The following MAP3K13 variants were observed in gnomAD, a reference collection of about 807,000 sequenced individuals.
The protein encoded by MAP3K13 is mitogen-activated protein kinase kinase kinase 13, also known as leucine zipper-bearing kinase.
A neutral mutation model predicts 104.0 loss-of-function variants in MAP3K13; 52 were observed. The observed-to-expected ratio is 0.50, with a 90% CI of 0.40 to 0.63. The LOEUF (loss-of-function observed/expected upper bound fraction) is 0.63. Among genes scored for constraint, MAP3K13 ranks in the 20% least tolerant of loss-of-function variants. The pLI is 0.00. For missense variants in MAP3K13, 914 were observed against 1,218.5 expected, an observed-to-expected ratio of 0.75 and a Z score of 3.72; for synonymous variants, 394 against 442.2, an observed-to-expected ratio of 0.89 and a Z score of 1.37.
chr3:185,334,270 A>G (rs995291924), intron 2 of MAP3K13, among the ~76,000 whole-genome samples: 2 of 152,222 alleles, frequency 1.3e-5, no homozygotes, highest in Middle Eastern at 3.2e-3. Flanking sequence ...ATGCATTCCC[A>G]ATCAAAATTT....
chr3:185,450,711 G>T lies in MAP3K13; in HGVS notation c.1170-576G>T. 6.6e-6 allele frequency among the ~76,000 whole-genome samples: 1 copy of T among 151,606 alleles called. No homozygotes were observed. The highest frequency in any genetic ancestry group is 1.9e-4 in the East Asian group (1 of 5,162). The stretch of plus-strand genomic sequence containing the variant: ...ACACTTTGGGAGGCCGAGGTAGGAG[G>T]ATCACTTGAACCCATGAGTCTGAGA... On this transcript the variant is annotated intron_variant, in intron 6 of 13. Coordinates refer to ENST00000265026, the MANE Select transcript of MAP3K13 (RefSeq NM_004721.5). This position sits in a 1 kb window ranked among gnomAD's most constrained non-coding sequence, Gnocchi z 4.2.
Position 185,308,625 on chromosome 3 carries a change from T to C in MAP3K13, c.-86+22982T>C, listed in dbSNP as rs188015963. On this transcript the variant is annotated intron_variant, in intron 2 of 14. Coordinates refer to the MAP3K13 transcript ENST00000424227. ...TTAGCTGCTGAACTCTCCGCTGTTCTCAGTGGACCCCAAGCATCCAAAGTA... is the reference window on the plus strand; with the variant it reads ...TTAGCTGCTGAACTCTCCGCTGTTCCCAGTGGACCCCAAGCATCCAAAGTA... Among the ~76,000 whole-genome samples the C allele has an allele frequency of 2.6e-4, 39 of 152,328 alleles. No homozygotes were observed. In the East Asian group the frequency reaches 6.0e-3, roughly 23 times the overall value.
At chr3:185,425,229 C>T (rs1237705757) in intron 1 of MAP3K13, among the ~76,000 whole-genome samples, 2 of 152,202 alleles carry the variant, frequency 1.3e-5, no homozygotes, top group Non-Finnish European at 2.9e-5. Context: ...AGCTCCCTAG[C>T]TCAGTGCATG....
At chr3:185,444,982 C>A (rs1463643846) in intron 4 of MAP3K13, among the ~76,000 whole-genome samples, 2 of 151,324 alleles carry the variant, frequency 1.3e-5, no homozygotes, top group African/African-American at 4.9e-5. Context: ...AACCCTGTCT[C>A]AAAAAATAAT....
Position 185,418,809 on chromosome 3 carries a change from C to T in MAP3K13, c.-85-9688C>T, listed in dbSNP as rs950315065. 6.3e-6 allele frequency: 10 copies of T among 1,575,020 alleles called. No homozygotes were observed. The African/African-American group carries it at 1.2e-4, about 19-fold the overall frequency. ...AGAGAGGAGACAGCCACGCTCCTCT[C>T]AGCCCGGCTGCTGCCACAGGAAAAG... is the stretch of plus-strand genomic sequence containing the variant. On this transcript the variant is annotated intron_variant, in intron 1 of 13. Transcript: ENST00000265026. The surrounding 1 kb of genome is among the most constrained non-coding windows in gnomAD (Gnocchi z 4.5).
rs1715865503 is a variant in MAP3K13 at position 185,451,289 on chromosome 3, A to G, written c.1172A>G (p.Gln391Arg). The G allele has an allele frequency of 6.2e-7, 1 of 1,605,902 alleles. No homozygotes were observed. The highest frequency in any genetic ancestry group is 8.5e-7 in the Non-Finnish European group (1 of 1,176,018). Residue 391 changes from glutamine to arginine, a missense_variant and splice_region_variant, in exon 7 of 14, where the codon CAG (glutamine) becomes CGG (arginine). Gln to Arg is a conservative substitution (Grantham distance 43, BLOSUM62 1). Around this residue, in one of 3 missense-constraint regions of MAP3K13, gnomAD observed 583 missense variants for 737.4 expected, o/e 0.79. Coordinates refer to ENST00000265026, the MANE Select transcript of MAP3K13 (RefSeq NM_004721.5). ...GFKILMKQTW[Q>R]SKPRNRPSFR... ...CAAACTGTCTTTTTCACTTTTAGGC[A>G]GAGTAAACCTCGAAACCGACCTTCT...
At chr3:185,444,456 G>A (rs1043911036) in intron 4 of MAP3K13, among the ~76,000 whole-genome samples, 9 of 152,172 alleles carry the variant, frequency 5.9e-5, no homozygotes, top group Admixed American at 3.3e-4. Flanking sequence ...TTCTGTAGAC[G>A]TGGATTACAG....
intron 1 of MAP3K13, among the ~76,000 whole-genome samples, chr3:185,408,964 A>G (rs1713275790): frequency 6.6e-6 from 1 of 152,224 alleles, no homozygotes; most frequent in Non-Finnish European, 1.5e-5. Context: ...CTACCAATGA[A>G]ATGTATAAAT....
chr3:185,383,312 A>T (rs1007699559), intron 1 of MAP3K13, among the ~76,000 whole-genome samples: 4 of 152,092 alleles, frequency 2.6e-5, no homozygotes, highest in African/African-American at 9.7e-5. Flanking sequence ...GAGTAATGCC[A>T]CAATAAACAT....
chr3:185,484,570 G>A lies in MAP3K13; in HGVS notation c.*2114G>A, dbSNP rs975285612. On this transcript the variant is annotated 3_prime_UTR_variant, in exon 14 of 14. Transcript: ENST00000265026. ...AAGGAAAGGCAGGAGGGAATTTAGA[G>A]TTCCTTTTGCTTGTTTGATCCATTT... 1 of 152,194 alleles carries A rather than the reference G, an allele frequency of 6.6e-6. No individual in the cohort carries two copies. The highest frequency in any genetic ancestry group is 2.4e-5 in the African/African-American group (1 of 41,448). 9.4% of individuals were successfully genotyped at this position (152,194 alleles called of 1,614,324 possible).
At chr3:185,395,357 C>CTTTTTTTTTTTTTTTTTTTTTTT (rs770336517) in intron 1 of MAP3K13, among the ~76,000 whole-genome samples, 1 of 69,978 alleles carries the variant, frequency 1.4e-5, no homozygotes, top group African/African-American at 6.9e-5. Context: ...AATATTATTT[C>CTTTTTTTTTTTTTTTTTTTTTTT]TTTTTTTTTT....
At chr3:185,400,901 G>GTT (rs1326586136) in intron 1 of MAP3K13, among the ~76,000 whole-genome samples, 5 of 58,140 alleles carry the variant, frequency 8.6e-5, no homozygotes, top group African/African-American at 3.5e-4. Flanking sequence ...CTGGGTGTTT[G>GTT]TTTGTTTTTT....
chr3:185,290,376 A>G (rs900664797), intron 2 of MAP3K13, among the ~76,000 whole-genome samples: 1 of 152,206 alleles, frequency 6.6e-6, no homozygotes, highest in Non-Finnish European at 1.5e-5. Flanking sequence ...AACTGCTTTG[A>G]CATTCCCACA....
intron 2 of MAP3K13, among the ~76,000 whole-genome samples, chr3:185,316,227 C>G (rs983984981): frequency 6.6e-6 from 1 of 152,170 alleles, no homozygotes; most frequent in Non-Finnish European, 1.5e-5. Context: ...AATATCCTTT[C>G]AGACATCTCT....
At chr3:185,352,300 C>T (rs1022673981) in intron 2 of MAP3K13, among the ~76,000 whole-genome samples, 5 of 152,062 alleles carry the variant, frequency 3.3e-5, no homozygotes, top group Admixed American at 2.0e-4. Flanking sequence ...CAAAATTAGC[C>T]GGGTGTGGTG....
intron 2 of MAP3K13, among the ~76,000 whole-genome samples, chr3:185,436,253 C>A (rs1430485358): frequency 6.6e-6 from 1 of 152,112 alleles, no homozygotes; most frequent in South Asian, 2.1e-4. Context: ...ATATGAAGCA[C>A]TAATAATGCC....
Position 185,423,805 on chromosome 3 carries a change from T to G in MAP3K13, c.-85-4692T>G, listed in dbSNP as rs951736656. Among the ~76,000 whole-genome samples the G allele has an allele frequency of 6.6e-6, 1 of 152,158 alleles. No homozygotes were observed. Among genetic ancestry groups the G allele is most frequent in the African/African-American group, 2.4e-5 (1 of 41,432 alleles). ...AGGAGTTACCCTTGCTGCACACTGC[T>G]CCCCCACATTAGCCACTGCTGTTTC... On this transcript the variant is annotated intron_variant, in intron 1 of 13. Transcript: ENST00000265026. The surrounding 1 kb of genome is among the most constrained non-coding windows in gnomAD (Gnocchi z 4.1).
Position 185,480,404 on chromosome 3 carries a change from A to G in MAP3K13, c.2674A>G (p.Thr892Ala), listed in dbSNP as rs552226638. ...GAAGCTAGACGACCTGCTGTCCCAG[A>G]CGCCAGAGATTCCCATTGACATATC... Reference protein sequence around the residue: ...AEKLDDLLSQTPEIPIDISSH... With the variant: ...AEKLDDLLSQAPEIPIDISSH... The change falls in exon 13 of 14, where the codon ACG (threonine) becomes GCG (alanine). Residue 892 changes from threonine to alanine, a missense_variant. Thr to Ala is a moderately conservative substitution (Grantham distance 58). Around this residue, in one of 3 missense-constraint regions of MAP3K13, gnomAD observed 583 missense variants for 737.4 expected, o/e 0.79. Transcript: ENST00000265026. 7 of 1,614,170 alleles carry G rather than the reference A, an allele frequency of 4.3e-6. No individual in the cohort carries two copies.
rs1376678535 is a variant in MAP3K13 at position 185,449,378 on chromosome 3, A to AC, written c.1011-522_1011-521insC. On this transcript the variant is annotated intron_variant, in intron 5 of 13. Coordinates refer to ENST00000265026, the MANE Select transcript of MAP3K13 (RefSeq NM_004721.5). ...ACAGAGCAAGATGCTGTCTAAAAAAAAAAAAAAAAAAAAAAAGTTTTTAAC... is the reference window on the plus strand; with the variant it reads ...ACAGAGCAAGATGCTGTCTAAAAAAACAAAAAAAAAAAAAAAAGTTTTTAAC... Among the ~76,000 whole-genome samples, 515 of 139,144 alleles carry AC rather than the reference A, an allele frequency of 3.7e-3. 3 individuals are homozygous for AC. Among genetic ancestry groups the AC allele is most frequent in the African/African-American group, 0.013 (486 of 38,422 alleles). 91.3% of individuals were successfully genotyped at this position (139,144 alleles called of 152,430 possible).
Sources: allele counts gnomAD v4.1 joint callset (sites outside exome capture counted in the v4.1 genomes callset), GRCh38; gene constraint gnomAD v4.1.1; regional missense constraint gnomAD v4.1.1; non-coding constraint Gnocchi (gnomAD v3.1); transcripts MANE v1.5; gene names NCBI Gene and HGNC (gene_info 2026-07-23, HGNC 2026-07-21).